NLGN1: variants seen among roughly 807,000 people sequenced by gnomAD.
NLGN1 encodes the protein neuroligin 1, also known as neuroligin-1.
Under a neutral mutation model 65.5 loss-of-function variants are expected in NLGN1, and 12 were observed. The observed-to-expected ratio is 0.18, with a 90% CI of 0.12 to 0.30. NLGN1 has a LOEUF of 0.30. Ranked by LOEUF, NLGN1 falls within the 10% of genes least tolerant of loss-of-function variation. The pLI is 1.00. For synonymous variants in NLGN1, 350 were observed against 359.5 expected (o/e 0.97, Z 0.30); for missense variants, 750 against 1,007.1 (o/e 0.74, Z 3.46).
intron 3 of NLGN1, among the ~76,000 whole-genome samples, chr3:173,786,520 A>G (rs1368778372): frequency 6.6e-6 from 1 of 152,230 alleles, no homozygotes; most frequent in East Asian, 1.9e-4. Context: ...CTCGCAAAGG[A>G]GAAGTGAACC....
chr3:174,099,638 A>C (rs1711937558), intron 4 of NLGN1, among the ~76,000 whole-genome samples: 1 of 152,172 alleles, frequency 6.6e-6, no homozygotes. Context: ...GATAGAAATC[A>C]GTGATTATTT....
intron 1 of NLGN1, among the ~76,000 whole-genome samples, chr3:173,416,665 A>T (rs1489804585): frequency 6.6e-6 from 1 of 152,162 alleles, no homozygotes; most frequent in East Asian, 1.9e-4. Context: ...TTAATTTCTT[A>T]CTTAGATATC....
intron 2 of NLGN1, among the ~76,000 whole-genome samples, chr3:173,505,057 C>T (rs1189994596): frequency 6.6e-6 from 1 of 151,894 alleles, no homozygotes; most frequent in Non-Finnish European, 1.5e-5. Flanking sequence ...ACCCCTTGCC[C>T]CCGCCACACA....
chr3:173,852,586 T>G (rs1038996034), intron 4 of NLGN1, among the ~76,000 whole-genome samples: 11 of 152,114 alleles, frequency 7.2e-5, no homozygotes, highest in African/African-American at 2.7e-4. Context: ...TCATTAAATA[T>G]CTTGTTGACC....
Position 173,826,172 on chromosome 3 carries a change from ACTT to A in NLGN1, c.646+18343_646+18345del, listed in dbSNP as rs1282073861. ...TTAGTGGCTTAAAATGACAAAAACT[ACTT>A]CTGGCACACTCAGTTTCCTCTGGAA... On this transcript the variant is annotated intron_variant, in intron 4 of 6. Transcript: ENST00000457714. Among the ~76,000 whole-genome samples the A allele has an allele frequency of 3.9e-5, 6 of 152,060 alleles. No individual in the cohort carries two copies. In the East Asian group the frequency reaches 1.2e-3, roughly 29 times the overall value.
At chr3:173,919,667 C>A (rs1741544893) in intron 4 of NLGN1, among the ~76,000 whole-genome samples, 1 of 151,960 alleles carries the variant, frequency 6.6e-6, no homozygotes, top group Non-Finnish European at 1.5e-5. Flanking sequence ...TAAAAGAATT[C>A]CTAAAATATG....
At chr3:173,725,694 T>C (rs1771648052) in intron 3 of NLGN1, among the ~76,000 whole-genome samples, 1 of 152,194 alleles carries the variant, frequency 6.6e-6, no homozygotes, top group Non-Finnish European at 1.5e-5. Flanking sequence ...GAGTCAGAGC[T>C]CTGGGTATAG....
intron 4 of NLGN1, among the ~76,000 whole-genome samples, chr3:173,871,612 G>A (rs1039228580): frequency 6.6e-6 from 1 of 152,210 alleles, no homozygotes; most frequent in Non-Finnish European, 1.5e-5. Context: ...AGATAGCATA[G>A]CTCTACTGGT....
intron 2 of NLGN1, among the ~76,000 whole-genome samples, chr3:173,572,624 T>C (rs1037038171): frequency 6.6e-6 from 1 of 152,254 alleles, no homozygotes; most frequent in African/African-American, 2.4e-5. Context: ...CTGGTGCTTC[T>C]AGTTACACCT....
At chr3:174,273,910 A>G (rs1307286008) in intron 4 of NLGN1, among the ~76,000 whole-genome samples, 2 of 144,418 alleles carry the variant, frequency 1.4e-5, no homozygotes, top group Non-Finnish European at 3.1e-5. Context: ...CAGTTTGGTT[A>G]TGGATTTATT....
At chr3:173,753,199 T>C (rs1050185073) in intron 3 of NLGN1, among the ~76,000 whole-genome samples, 1 of 152,166 alleles carries the variant, frequency 6.6e-6, no homozygotes, top group Non-Finnish European at 1.5e-5. Flanking sequence ...AAATACTGTC[T>C]ATGAATTTAT....
chr3:174,143,550 C>CA (rs1722669498), intron 4 of NLGN1, among the ~76,000 whole-genome samples: 1 of 151,916 alleles, frequency 6.6e-6, no homozygotes, highest in Admixed American at 6.6e-5. Context: ...AAGCAGCCAG[C>CA]AAAAAAGACT....
At chr3:173,677,558 T>C (rs1763342778) in intron 3 of NLGN1, among the ~76,000 whole-genome samples, 1 of 152,118 alleles carries the variant, frequency 6.6e-6, no homozygotes, top group South Asian at 2.1e-4. Flanking sequence ...TCTTCACAGA[T>C]GAGCAGAAAT....
intron 3 of NLGN1, among the ~76,000 whole-genome samples, chr3:173,789,605 T>C (rs4499633): frequency 0.72 from 109,996 of 152,108 alleles, 40,166 homozygotes; most frequent in Non-Finnish European, 0.78. Flanking sequence ...GAGTTCAAAC[T>C]AGAACCCAAG....
chr3:173,458,263 C>CTTTGT (rs368391078), intron 2 of NLGN1, among the ~76,000 whole-genome samples: 2,401 of 151,860 alleles, frequency 0.016, 67 homozygotes, highest in African/African-American at 0.055. Flanking sequence ...TTTTCTTTTG[C>CTTTGT]TTTGTTTTGT....
At chr3:173,411,244 A>C (rs960891641) in intron 1 of NLGN1, among the ~76,000 whole-genome samples, 8 of 152,230 alleles carry the variant, frequency 5.3e-5, no homozygotes, top group African/African-American at 1.7e-4. Context: ...CCTAGAAGTC[A>C]GATCATTCCC....
chr3:173,797,138 T>G (rs1056908518), intron 3 of NLGN1, among the ~76,000 whole-genome samples: 2 of 152,076 alleles, frequency 1.3e-5, no homozygotes, highest in African/African-American at 4.8e-5. Flanking sequence ...GAAGCATATG[T>G]TTACTCCACT....
At chr3:173,568,203 CTTTCCTTTCCT>C (rs1479601591) in intron 2 of NLGN1, among the ~76,000 whole-genome samples, 3 of 106,104 alleles carry the variant, frequency 2.8e-5, no homozygotes, top group Non-Finnish European at 6.5e-5. Context: ...CTTTTCTTTC[CTTTCCTTTCCT>C]TTTCCTTTCC....
chr3:174,168,010 A>G (rs953781295), intron 4 of NLGN1, among the ~76,000 whole-genome samples: 20 of 151,958 alleles, frequency 1.3e-4, no homozygotes, highest in Admixed American at 1.2e-3. Context: ...AAAGTTTTCA[A>G]TTATATTTTG....
Sources: gnomAD v4.1 joint callset for allele counts (sites outside exome capture counted in the v4.1 genomes callset) on GRCh38, gnomAD v4.1.1 for gene constraint, MANE v1.5 for transcripts, NCBI Gene and HGNC (gene_info 2026-07-23, HGNC 2026-07-21) for gene names.